The following MID1 variants were observed in gnomAD, a reference collection of about 807,000 sequenced individuals.
MID1 encodes the protein midline 1.
In MID1, 7 loss-of-function variants were observed where a neutral mutation model predicts 40.4. That is an observed-to-expected ratio of 0.17 (90% confidence interval 0.10 to 0.33). MID1 has a LOEUF of 0.33. Among genes scored for constraint, MID1 ranks in the 10% least tolerant of loss-of-function variants. The pLI is 1.00. For missense variants in MID1, 367 were observed against 558.5 expected (o/e 0.66, Z 3.46); for synonymous variants, 229 against 221.2 (o/e 1.04, Z -0.31).
At chrX:10,635,643 T>G (rs755532699) in intron 1 of MID1, among the ~76,000 whole-genome samples, 1 of 111,996 alleles carries the variant, frequency 8.9e-6, no homozygotes, top group Non-Finnish European at 1.9e-5. Flanking sequence ...AAGTCTAGAA[T>G]GAAAGAATTG....
chrX:10,540,154 T>C (rs142404838), intron 2 of MID1, among the ~76,000 whole-genome samples: 2 of 112,053 alleles, frequency 1.8e-5, no homozygotes, highest in Non-Finnish European at 3.8e-5. Context: ...TGAGCCAAGA[T>C]TGTGCTACTG....
At chrX:10,471,340 T>G (rs1929696435) in intron 6 of MID1, among the ~76,000 whole-genome samples, 1 of 112,439 alleles carries the variant, frequency 8.9e-6, no homozygotes, top group Admixed American at 9.4e-5. Flanking sequence ...ACTTTGCTTT[T>G]TGAATATACC....
chrX:10,642,886 C>G (rs1407810722), intron 1 of MID1, among the ~76,000 whole-genome samples: 1 of 110,972 alleles, frequency 9.0e-6, no homozygotes, highest in Non-Finnish European at 1.9e-5. Flanking sequence ...TGATCTTTGA[C>G]AAACCTGACA....
intron 3 of MID1, among the ~76,000 whole-genome samples, chrX:10,518,088 G>A (rs1022433873): frequency 3.6e-5 from 4 of 111,964 alleles, no homozygotes; most frequent in African/African-American, 6.5e-5. Context: ...AGGCAAAAAT[G>A]TACATCCCCT....
At chrX:10,777,992 G>A (rs900170620) in intron 1 of MID1, among the ~76,000 whole-genome samples, 2 of 111,048 alleles carry the variant, frequency 1.8e-5, no homozygotes, top group African/African-American at 6.6e-5. Context: ...GCCTTCTTCC[G>A]AAATACCTCC....
chrX:10,470,831 G>A (rs970165677), intron 6 of MID1, among the ~76,000 whole-genome samples: 4 of 112,231 alleles, frequency 3.6e-5, no homozygotes, highest in Non-Finnish European at 7.5e-5. Flanking sequence ...GAGTATGTGA[G>A]CAAGGAAAAT....
chrX:10,769,916 T>C (rs1339494033), intron 1 of MID1, among the ~76,000 whole-genome samples: 3 of 111,941 alleles, frequency 2.7e-5, no homozygotes, highest in African/African-American at 6.5e-5. Context: ...TTAGCTGAGA[T>C]GATACTGCTG....
At chrX:10,626,479 A>G (rs1243016816) in intron 1 of MID1, among the ~76,000 whole-genome samples, 1 of 110,718 alleles carries the variant, frequency 9.0e-6, no homozygotes, top group Non-Finnish European at 1.9e-5. Context: ...AGCTGGGACT[A>G]CAAGCTCACA....
chrX:10,620,689 G>A (rs956194498), upstream of MID1: 1 of 112,006 alleles, frequency 8.9e-6, no homozygotes, highest in Non-Finnish European at 1.9e-5. Flanking sequence ...CGAGGATTAG[G>A]GGCGCTTTCG....
intron 1 of MID1, among the ~76,000 whole-genome samples, chrX:10,805,122 T>G (rs955462023): frequency 3.3e-4 from 36 of 109,641 alleles, no homozygotes; most frequent in Admixed American, 8.8e-4. Context: ...CACAATGTGC[T>G]GGTTAGTTAC....
intron 6 of MID1, among the ~76,000 whole-genome samples, chrX:10,471,623 G>T (rs748003908): frequency 1.2e-4 from 14 of 112,130 alleles, no homozygotes; most frequent in African/African-American, 4.2e-4. Flanking sequence ...CACCAATCAG[G>T]ATATGCATTC....
chrX:10,530,273 A>G (rs1289316038), intron 2 of MID1, among the ~76,000 whole-genome samples: 2 of 111,922 alleles, frequency 1.8e-5, no homozygotes, highest in Non-Finnish European at 3.8e-5. Flanking sequence ...CTTTTCCCCA[A>G]GTGATTTTTT....
intron 1 of MID1, among the ~76,000 whole-genome samples, chrX:10,823,771 AAAT>A (rs1473952956): frequency 2.7e-5 from 3 of 111,438 alleles, no homozygotes; most frequent in Non-Finnish European, 3.8e-5. Context: ...CAATACATGG[AAAT>A]AATCTACTAG....
chrX:10,644,721 A>C (rs892609121), intron 1 of MID1, among the ~76,000 whole-genome samples: 2 of 110,957 alleles, frequency 1.8e-5, no homozygotes, highest in African/African-American at 6.6e-5. Context: ...TCTTAGCTCC[A>C]GAACAGGGTC....
At chrX:10,616,646 C>T (rs756196253) in intron 1 of MID1, among the ~76,000 whole-genome samples, 2 of 112,522 alleles carry the variant, frequency 1.8e-5, no homozygotes, top group South Asian at 7.3e-4. Context: ...TACCAATTAA[C>T]GGATTTGCTT....
At chrX:10,492,304 ATTAAAC>A (rs1165359215) in intron 4 of MID1, among the ~76,000 whole-genome samples, 1 of 111,777 alleles carries the variant, frequency 8.9e-6, no homozygotes, top group Non-Finnish European at 1.9e-5. Context: ...ATACTTTGAA[ATTAAAC>A]TTAGAGTTTC....
intron 1 of MID1, among the ~76,000 whole-genome samples, chrX:10,718,607 C>G (rs1413697867): frequency 1.8e-5 from 2 of 111,679 alleles, no homozygotes; most frequent in Admixed American, 1.9e-4. Flanking sequence ...CAGCCGAATT[C>G]TACCAGAGGT....
chrX:10,826,219 G>C (rs775853372), intron 1 of MID1, among the ~76,000 whole-genome samples: 1 of 110,815 alleles, frequency 9.0e-6, no homozygotes, highest in East Asian at 2.9e-4. Context: ...AGTCCCTCAT[G>C]ATCTCCCTTG....
intron 3 of MID1, among the ~76,000 whole-genome samples, chrX:10,499,740 A>G (rs1931448276): frequency 8.9e-6 from 1 of 112,202 alleles, no homozygotes; most frequent in African/African-American, 3.2e-5. Context: ...AATTGACCAC[A>G]TTGTGAGGTC....
Sources: allele counts gnomAD v4.1 joint callset (sites outside exome capture counted in the v4.1 genomes callset), GRCh38; gene constraint gnomAD v4.1.1; transcripts MANE v1.5; gene names NCBI Gene and HGNC (gene_info 2026-07-23, HGNC 2026-07-21).